Variants in RGPD1 observed in about 807,000 individuals in gnomAD.
RGPD1 encodes the protein RANBP2 like and GRIP domain containing 1.
Under a neutral mutation model 40.6 loss-of-function variants are expected in RGPD1, and 7 were observed. The observed-to-expected ratio is 0.17, with a 90% CI of 0.10 to 0.32. The LOEUF is 0.32. RGPD1 is among the 10% of genes least tolerant of loss of function. The probability of loss-of-function intolerance (pLI) is 1.00; values close to 1 mark genes in which losing one functional copy is unlikely to be tolerated. For synonymous variants in RGPD1, 24 were observed against 167.0 expected (o/e 0.14, Z 6.60); for missense variants, 50 against 472.5 (o/e 0.11, Z 8.29).
chr2:86,956,019 A>T (rs1279717754), intron 4 of RGPD1, among the ~76,000 whole-genome samples: 2 of 148,954 alleles, frequency 1.3e-5, no homozygotes, highest in Non-Finnish European at 3.0e-5. Context: ...CCTGTATCAG[A>T]TTTTTTTTTT....
intron 1 of RGPD1, among the ~76,000 whole-genome samples, chr2:86,944,814 C>T (rs1408202738): frequency 1.3e-5 from 2 of 152,074 alleles, no homozygotes; most frequent in Non-Finnish European, 2.9e-5. Flanking sequence ...CTCAATCCAT[C>T]CTCCCACCTT....
chr2:86,929,655 G>A (rs1374987299), intron 1 of RGPD1, among the ~76,000 whole-genome samples: 1 of 115,788 alleles, frequency 8.6e-6, no homozygotes, highest in Admixed American at 8.2e-5. Flanking sequence ...AAGTCAGTAG[G>A]AGCTCAAAGT....
intron 1 of RGPD1, among the ~76,000 whole-genome samples, chr2:86,915,008 C>T (rs376009503): frequency 9.4e-5 from 14 of 149,494 alleles, no homozygotes; most frequent in Non-Finnish European, 1.8e-4. Context: ...AATATATGGA[C>T]ATGCCTGCTG....
upstream of RGPD1, among the ~76,000 whole-genome samples, chr2:86,941,673 T>A (rs1394507961): frequency 6.6e-6 from 1 of 151,444 alleles, no homozygotes; most frequent in Non-Finnish European, 1.5e-5. Flanking sequence ...ACTTTTCCTC[T>A]AAGTGTTCCA....
chr2:86,931,986 A>ATT (rs1286274475), intron 1 of RGPD1, among the ~76,000 whole-genome samples: 2 of 148,032 alleles, frequency 1.4e-5, no homozygotes, highest in Non-Finnish European at 3.0e-5. Context: ...TAATATTCAT[A>ATT]TTATATATAT....
At chr2:86,943,299 C>G (rs1680061546) in intron 1 of RGPD1, among the ~76,000 whole-genome samples, 1 of 124,448 alleles carries the variant, frequency 8.0e-6, no homozygotes. Context: ...GCCCAGAACA[C>G]TTTGGTAGCT....
chr2:86,962,280 C>T (rs1417686817), intron 6 of RGPD1, among the ~76,000 whole-genome samples: 1 of 71,912 alleles, frequency 1.4e-5, no homozygotes, highest in East Asian at 3.0e-4. Flanking sequence ...CTGAGGCGGG[C>T]GGATCGTGAG....
intron 1 of RGPD1, among the ~76,000 whole-genome samples, chr2:86,942,546 G>GGCGGCGGCCTCGACCTGGCCGGGCA (rs1429125580): frequency 3.8e-5 from 5 of 132,886 alleles, no homozygotes; most frequent in Non-Finnish European, 8.2e-5. Context: ...GCCGGGCGGC[G>GGCGGCGGCCTCGACCTGGCCGGGCA]GCGGCGGCCT....
chr2:87,008,937 CAA>C (rs959103075), intron 22 of RGPD1, among the ~76,000 whole-genome samples: 2 of 136,232 alleles, frequency 1.5e-5, no homozygotes, highest in African/African-American at 5.6e-5. Context: ...AAAAACAGAA[CAA>C]GAGTCAAGAA....
chr2:86,997,361 A>G (rs1472925966), intron 21 of RGPD1, among the ~76,000 whole-genome samples: 1 of 27,980 alleles, frequency 3.6e-5, no homozygotes, highest in East Asian at 9.6e-4. Flanking sequence ...TTCATGTCAA[A>G]TGGATTTTAT....
At chr2:86,941,721 G>GTT (rs949096977), upstream of RGPD1, among the ~76,000 whole-genome samples, 1 of 111,748 alleles carries the variant, frequency 8.9e-6, no homozygotes, top group African/African-American at 5.8e-5. Flanking sequence ...AATGCGCTTT[G>GTT]TTTTTTTTTT....
intron 1 of RGPD1, among the ~76,000 whole-genome samples, chr2:86,924,785 T>C (rs1320644448): frequency 6.6e-6 from 1 of 150,762 alleles, no homozygotes; most frequent in African/African-American, 2.4e-5. Context: ...TAATTTAATT[T>C]CTTTTAAATT....
intron 1 of RGPD1, among the ~76,000 whole-genome samples, chr2:86,918,080 G>C (rs1212831786): frequency 6.7e-6 from 1 of 149,572 alleles, no homozygotes; most frequent in Admixed American, 6.7e-5. Context: ...GTTTTCTGAA[G>C]ATAAGATTGT....
At chr2:86,960,739 G>A (rs1436666962) in intron 6 of RGPD1, among the ~76,000 whole-genome samples, 3 of 86,340 alleles carry the variant, frequency 3.5e-5, no homozygotes, top group East Asian at 3.0e-4. Flanking sequence ...ACAGGTGCCC[G>A]CCACCACACC....
intron 22 of RGPD1, among the ~76,000 whole-genome samples, chr2:87,000,730 C>A (rs1055986531): frequency 3.7e-5 from 1 of 27,276 alleles, no homozygotes; most frequent in African/African-American, 2.3e-4. Flanking sequence ...GAGGGTAGAT[C>A]ACCTGAGGTC....
At chr2:87,007,190 T>TTTG (rs201108203) in intron 22 of RGPD1, among the ~76,000 whole-genome samples, 17,263 of 69,194 alleles carry the variant, frequency 0.25, 688 homozygotes, top group East Asian at 0.29. Context: ...TTAATTTGTT[T>TTTG]TTGTTGTTGT....
At chr2:86,920,249 T>C (rs1241865125) in intron 1 of RGPD1, among the ~76,000 whole-genome samples, 1 of 151,662 alleles carries the variant, frequency 6.6e-6, no homozygotes, top group East Asian at 1.9e-4. Flanking sequence ...TCTGTATTTT[T>C]AGTAGAGACG....
chr2:86,959,741 CT>C (rs1164029912), intron 6 of RGPD1, among the ~76,000 whole-genome samples: 1 of 156 alleles, frequency 6.4e-3, no homozygotes, highest in African/African-American at 0.071. Flanking sequence ...CTCAATCTCT[CT>C]TTTTTTTTTT....
At chr2:86,918,158 T>C (rs955908549) in intron 1 of RGPD1, among the ~76,000 whole-genome samples, 13 of 150,894 alleles carry the variant, frequency 8.6e-5, no homozygotes, top group Non-Finnish European at 1.8e-4. Context: ...TAAAGTACTT[T>C]AGCCGAGTAC....
Sources: gnomAD v4.1 joint callset for allele counts (sites outside exome capture counted in the v4.1 genomes callset) on GRCh38, gnomAD v4.1.1 for gene constraint, MANE v1.5 for transcripts, NCBI Gene and HGNC (gene_info 2026-07-23, HGNC 2026-07-21) for gene names.